Variants in LRRC4C observed in about 807,000 individuals in gnomAD.
LRRC4C encodes the protein leucine-rich repeat-containing protein 4C.
A neutral mutation model predicts 33.6 loss-of-function variants in LRRC4C; 5 were observed. The ratio of observed to expected loss-of-function variants is 0.15; its 90% CI spans 0.08 to 0.31. The LOEUF (loss-of-function observed/expected upper bound fraction) is 0.31, where lower values mean the gene tolerates loss of function less well. LRRC4C is among the 10% of genes least tolerant of loss of function. The probability of loss-of-function intolerance (pLI) is 1.00; values close to 1 mark genes in which losing one functional copy is unlikely to be tolerated. For missense variants in LRRC4C, 560 were observed against 796.7 expected, an observed-to-expected ratio of 0.70 and a Z score of 3.58; for synonymous variants, 329 against 302.0, an observed-to-expected ratio of 1.09 and a Z score of -0.93.
In LRRC4C at chr11:41,344,361, C is replaced by T. The variant is rs187664625; in HGVS notation, c.-496+115070G>A. Among the ~76,000 whole-genome samples the T allele has an allele frequency of 2.1e-3, 325 of 151,556 alleles. 1 individual carries two copies. The highest frequency in any genetic ancestry group is 7.4e-3 in the African/African-American group (305 of 41,314). Reference sequence around the variant, plus strand: ...TCAGCCTCCCGAGTAGCTGGGAGTACAGGCGCCCGCCACCACGCCTGGCTA... The same window carrying T: ...TCAGCCTCCCGAGTAGCTGGGAGTATAGGCGCCCGCCACCACGCCTGGCTA... On this transcript the variant is annotated intron_variant, in intron 1 of 6. Coordinates refer to ENST00000528697, the MANE Select transcript of LRRC4C (RefSeq NM_001258419.2).
intron 3 of LRRC4C, among the ~76,000 whole-genome samples, chr11:40,489,578 C>T (rs978714238): frequency 6.6e-6 from 1 of 152,086 alleles, no homozygotes; most frequent in African/African-American, 2.4e-5. Context: ...TCTGTAGTTT[C>T]TAGTACCTGG....
intron 1 of LRRC4C, among the ~76,000 whole-genome samples, chr11:40,989,234 G>T (rs1853323720): frequency 6.6e-6 from 1 of 152,146 alleles, no homozygotes; most frequent in African/African-American, 2.4e-5. Flanking sequence ...TGAAATATAT[G>T]CATTGCTCAT....
At position 41,431,683 on chromosome 11, in the gene LRRC4C, T is replaced by A. The variant is rs894475659; in HGVS notation, c.-496+27748A>T. On this transcript the variant is annotated intron_variant, in intron 1 of 6. Transcript: ENST00000528697. ...TACACACACGCACACACATGCCCAGTTAAATTTCTTATTCAGAGCTTCTCT... is the reference window on the plus strand; with the variant it reads ...TACACACACGCACACACATGCCCAGATAAATTTCTTATTCAGAGCTTCTCT... Among the ~76,000 whole-genome samples the A allele has an allele frequency of 5.9e-5, 9 of 151,810 alleles. No homozygotes were observed. In the East Asian group the frequency reaches 1.6e-3, roughly 26 times the overall value.
At chr11:40,902,003 C>CT (rs1398402679) in intron 2 of LRRC4C, among the ~76,000 whole-genome samples, 5 of 51,960 alleles carry the variant, frequency 9.6e-5, no homozygotes, top group South Asian at 2.3e-3. Flanking sequence ...TCTCTCTACA[C>CT]ACACACACAC....
chr11:40,912,081 G>A (rs1956724553), intron 2 of LRRC4C, among the ~76,000 whole-genome samples: 1 of 152,228 alleles, frequency 6.6e-6, no homozygotes, highest in South Asian at 2.1e-4. Context: ...TAGCGTACCT[G>A]AAAGTGAGGG....
intron 1 of LRRC4C, among the ~76,000 whole-genome samples, chr11:41,007,993 C>T (rs1854890519): frequency 6.6e-6 from 1 of 152,092 alleles, no homozygotes; most frequent in Non-Finnish European, 1.5e-5. Flanking sequence ...CTTTCATATC[C>T]CAGTATTCCA....
intron 5 of LRRC4C, among the ~76,000 whole-genome samples, chr11:40,200,234 G>A (rs571179170): frequency 1.4e-3 from 192 of 140,872 alleles, no homozygotes; most frequent in Middle Eastern, 7.9e-3. Flanking sequence ...CTTGGTGGCA[G>A]GTGCCTGTAA....
intron 2 of LRRC4C, among the ~76,000 whole-genome samples, chr11:40,813,677 A>G (rs1323019192): frequency 6.6e-6 from 1 of 152,104 alleles, no homozygotes; most frequent in African/African-American, 2.4e-5. Flanking sequence ...CCAATGTCTC[A>G]TCTGCCTATG....
At chr11:40,467,885 A>ATTTG (rs1053386407) in intron 3 of LRRC4C, among the ~76,000 whole-genome samples, 3 of 151,734 alleles carry the variant, frequency 2.0e-5, no homozygotes, top group African/African-American at 7.3e-5. Flanking sequence ...GCCATTTTTT[A>ATTTG]TTTGTTTGTT....
intron 1 of LRRC4C, among the ~76,000 whole-genome samples, chr11:40,952,894 ACACTCTCTCTCTCT>A (rs1958778945): frequency 3.9e-5 from 2 of 51,084 alleles, no homozygotes; most frequent in South Asian, 8.1e-4. Flanking sequence ...ACACACACAC[ACACTCTCTCTCTCT>A]CTCTCTCTCT....
chr11:41,205,178 AG>A (rs1946548959), intron 1 of LRRC4C, among the ~76,000 whole-genome samples: 1 of 152,206 alleles, frequency 6.6e-6, no homozygotes, highest in Admixed American at 6.5e-5. Flanking sequence ...AGTAGGGATT[AG>A]GGATAAGCTG....
intron 1 of LRRC4C, among the ~76,000 whole-genome samples, chr11:41,449,482 A>AG (rs1248322478): frequency 2.0e-5 from 3 of 152,128 alleles, no homozygotes; most frequent in Non-Finnish European, 4.4e-5. Flanking sequence ...GCAAAAAAAA[A>AG]TGTCCCTATA....
At chr11:40,487,341 C>T (rs965176386) in intron 3 of LRRC4C, among the ~76,000 whole-genome samples, 11 of 152,048 alleles carry the variant, frequency 7.2e-5, no homozygotes, top group Admixed American at 5.2e-4. Context: ...ATACAAGAAA[C>T]ATTTTCATGG....
At chr11:41,076,749 T>C (rs1939180961) in intron 1 of LRRC4C, among the ~76,000 whole-genome samples, 1 of 152,150 alleles carries the variant, frequency 6.6e-6, no homozygotes, top group South Asian at 2.1e-4. Context: ...CAATCATGCC[T>C]TTTCAGCAGT....
intron 1 of LRRC4C, among the ~76,000 whole-genome samples, chr11:41,260,609 G>A (rs1034783471): frequency 1.3e-5 from 2 of 151,646 alleles, no homozygotes; most frequent in African/African-American, 2.4e-5. Flanking sequence ...GTATATATAT[G>A]TGTACACACA....
At chr11:41,162,656 T>C (rs1294702953) in intron 1 of LRRC4C, among the ~76,000 whole-genome samples, 2 of 152,170 alleles carry the variant, frequency 1.3e-5, no homozygotes, top group South Asian at 2.1e-4. Context: ...CCTAAAAATA[T>C]GTAATCATAA....
intron 6 of LRRC4C, among the ~76,000 whole-genome samples, chr11:40,121,023 A>G (rs1441317759): frequency 2.0e-5 from 3 of 152,170 alleles, no homozygotes; most frequent in Non-Finnish European, 4.4e-5. Context: ...GAAGCAATAT[A>G]TAATAAATAT....
intron 3 of LRRC4C, among the ~76,000 whole-genome samples, chr11:40,451,578 G>A (rs1337735109): frequency 6.6e-6 from 1 of 151,400 alleles, no homozygotes; most frequent in Admixed American, 6.6e-5. Flanking sequence ...TAGAGATGGG[G>A]GTTTCACTAT....
chr11:40,528,614 A>G (rs527554902), intron 3 of LRRC4C, among the ~76,000 whole-genome samples: 1 of 152,306 alleles, frequency 6.6e-6, no homozygotes, highest in South Asian at 2.1e-4. Context: ...GAACTACCAT[A>G]TGATACAGCA....
Sources: allele counts gnomAD v4.1 joint callset (sites outside exome capture counted in the v4.1 genomes callset), GRCh38; gene constraint gnomAD v4.1.1; transcripts MANE v1.5; gene names NCBI Gene and HGNC (gene_info 2026-07-23, HGNC 2026-07-21).